CAMSAP1: variants seen among roughly 807,000 people sequenced by gnomAD.
CAMSAP1 encodes the protein calmodulin-regulated spectrin-associated protein 1.
Under a neutral mutation model 143.5 loss-of-function variants are expected in CAMSAP1, and 58 were observed. The ratio of observed to expected loss-of-function variants is 0.40; its 90% CI spans 0.33 to 0.50. CAMSAP1 has a LOEUF of 0.50. Among genes scored for constraint, CAMSAP1 ranks in the 20% least tolerant of loss-of-function variants. The pLI, the probability that CAMSAP1 is intolerant of heterozygous loss-of-function variation, is 0.45. For missense variants in CAMSAP1, 1,969 were observed against 2,115.7 expected, an observed-to-expected ratio of 0.93 and a Z score of 1.36; for synonymous variants, 945 against 859.3, an observed-to-expected ratio of 1.10 and a Z score of -1.74.
At chr9:135,817,171 T>G (rs960309233) in intron 14 of CAMSAP1, among the ~76,000 whole-genome samples, 7 of 152,168 alleles carry the variant, frequency 4.6e-5, no homozygotes, top group Admixed American at 3.9e-4. Context: ...TTCAAGGCCA[T>G]TCATCGCCCC....
At position 135,818,408 on chromosome 9, in the gene CAMSAP1, G is replaced by C. The variant is rs138576906; in HGVS notation, c.4168C>G (p.Pro1390Ala). The C allele has an allele frequency of 7.6e-6, 12 of 1,575,356 alleles. No homozygotes were observed. In the African/African-American group the frequency reaches 1.3e-4, roughly 18 times the overall value. The part of the protein sequence containing the change: ...SDSGTKCSST[P>A]DNLSRTQSGS... The stretch of plus-strand genomic sequence containing the variant: ...CCGCGTGAGGGCCGGGGCTGCTTAC[G>C]GGTGGAGGAGCACTTGGTGCCGGAG... Residue 1390 changes from proline to alanine, a missense_variant and splice_region_variant, in exon 13 of 17, where the codon CCT becomes GCT. Pro to Ala is a conservative substitution (Grantham distance 27, BLOSUM62 -1). This residue lies in a region of CAMSAP1 where 1,390 missense variants were observed against 1,420.8 expected (regional missense o/e 0.98). Coordinates refer to ENST00000389532, the MANE Select transcript of CAMSAP1 (RefSeq NM_015447.4). The surrounding 1 kb of genome is among the most constrained non-coding windows in gnomAD (Gnocchi z 7.7).
intron 5 of CAMSAP1, 142 bp downstream of exon 5, chr9:135,862,325 T>A: frequency 2.0e-6 from 2 of 990,080 alleles, no homozygotes; most frequent in Non-Finnish European, 2.9e-6. Flanking sequence ...AATTTTTTCA[T>A]CTATAGGCTA....
chr9:135,827,665 A>T (rs940206140), intron 7 of CAMSAP1, 81 bp from the exon 8 acceptor site: 24 of 1,301,132 alleles, frequency 1.8e-5, no homozygotes, highest in Non-Finnish European at 1.2e-5. Context: ...TTTTATAAGC[A>T]CTAACTCAAC....
intron 7 of CAMSAP1, among the ~76,000 whole-genome samples, chr9:135,841,740 C>A (rs752173334): frequency 6.6e-6 from 1 of 152,232 alleles, no homozygotes; most frequent in Non-Finnish European, 1.5e-5. Context: ...CAAACTCCAG[C>A]AGACCTGCAG....
chr9:135,839,276 C>T (rs146953523), intron 7 of CAMSAP1, among the ~76,000 whole-genome samples: 1 of 152,326 alleles, frequency 6.6e-6, no homozygotes, highest in Non-Finnish European at 1.5e-5. Flanking sequence ...CTGTGCCTGC[C>T]ACATGCATAT....
At chr9:135,854,952 T>C (rs1836901498) in intron 5 of CAMSAP1, among the ~76,000 whole-genome samples, 1 of 152,088 alleles carries the variant, frequency 6.6e-6, no homozygotes, top group Non-Finnish European at 1.5e-5. Flanking sequence ...CCCCAGTGTC[T>C]GTGTTTCCTT....
rs1177401977 is a variant in CAMSAP1, at chr9:135,809,975, A to T, written c.*1334T>A. On this transcript the variant is annotated 3_prime_UTR_variant, in exon 17 of 17. Transcript: ENST00000389532. The stretch of plus-strand genomic sequence containing the variant: ...TTGTCTCTTTTTCTCCCAATTATTG[A>T]TCTTTTGATTTTTTCTGCAGTTTGA... 2 of 152,564 alleles carry T rather than the reference A, an allele frequency of 1.3e-5. No homozygotes were observed. Among genetic ancestry groups the T allele is most frequent in the Non-Finnish European group, 2.9e-5 (2 of 68,036 alleles). 9.5% of individuals were successfully genotyped at this position (152,564 alleles called of 1,614,324 possible).
chr9:135,811,965 C>T lies in CAMSAP1; in HGVS notation c.4507-354G>A, dbSNP rs768446542. 9.9e-5 allele frequency among the ~76,000 whole-genome samples: 15 copies of T among 152,176 alleles called. No individual in the cohort carries two copies. Among genetic ancestry groups the T allele is most frequent in the Admixed American group, 2.0e-4 (3 of 15,274 alleles). On this transcript the variant is annotated intron_variant, in intron 16 of 16. Transcript: ENST00000389532. The surrounding 1 kb of genome is among the most constrained non-coding windows in gnomAD (Gnocchi z 4.9). ...CTGGAACCCAGAAGCAGGGCGGTAA[C>T]GAGTGCTGGCGAGCCATGGGGCTCT...
intron 3 of CAMSAP1, among the ~76,000 whole-genome samples, chr9:135,868,672 C>CG (rs1837469385): frequency 8.0e-6 from 1 of 125,664 alleles, no homozygotes; most frequent in Admixed American, 1.0e-4. Flanking sequence ...GGCTGAAGTG[C>CG]GGTGGCATGA....
intron 3 of CAMSAP1, among the ~76,000 whole-genome samples, chr9:135,870,045 T>G (rs1052446921): frequency 6.6e-6 from 1 of 152,200 alleles, no homozygotes; most frequent in Non-Finnish European, 1.5e-5. Flanking sequence ...TGGCTGCTAA[T>G]AGGTTCAGAG....
chr9:135,838,006 GAC>G (rs1444408568), intron 7 of CAMSAP1, among the ~76,000 whole-genome samples: 1 of 141,642 alleles, frequency 7.1e-6, no homozygotes, highest in African/African-American at 2.7e-5. Flanking sequence ...CCCTTCTACA[GAC>G]ACACGTCATC....
At chr9:135,833,351 G>C (rs994347087) in intron 7 of CAMSAP1, among the ~76,000 whole-genome samples, 2 of 152,146 alleles carry the variant, frequency 1.3e-5, no homozygotes, top group African/African-American at 4.8e-5. Flanking sequence ...AAAGTGCTGG[G>C]ATTACAGGCG....
At position 135,821,186 on chromosome 9, in the gene CAMSAP1, C is replaced by T. The variant is rs1326937194; in HGVS notation, c.3475G>A (p.Asp1159Asn). 25 of 1,610,122 alleles carry T rather than the reference C, an allele frequency of 1.6e-5. No individual in the cohort carries two copies. The highest frequency in any genetic ancestry group is 2.2e-5 in the East Asian group (1 of 44,888). The change falls in exon 11 of 17, where the codon GAC becomes AAC. Residue 1159 changes from aspartate (D) to asparagine (N), a missense_variant. Asp to Asn is a conservative substitution (Grantham distance 23). This residue lies in a region of CAMSAP1 where 1,390 missense variants were observed against 1,420.8 expected (regional missense o/e 0.98). Transcript: ENST00000389532. This position sits in a 1 kb window ranked among gnomAD's most constrained non-coding sequence, Gnocchi z 4.6. ...GLDSALEPSG[D>N]PHGKCLFDSY... The stretch of plus-strand genomic sequence containing the variant: ...TCGAAGAGACACTTCCCATGTGGGT[C>T]ACCACTGGGCTCCAGGGCACTGTCC...
Position 135,836,049 on chromosome 9 carries a change from T to C in CAMSAP1, c.1046-8465A>G, listed in dbSNP as rs139289525. ...TATCCAACAGACTCAAAAAACAGCTTTTTCAGAGCTTCTCTTATCCGACCA... is the reference window on the plus strand; with the variant it reads ...TATCCAACAGACTCAAAAAACAGCTCTTTCAGAGCTTCTCTTATCCGACCA... On this transcript the variant is annotated intron_variant, in intron 7 of 16. Coordinates refer to ENST00000389532, the MANE Select transcript of CAMSAP1 (RefSeq NM_015447.4). The C allele has an allele frequency of 5.3e-3, 4,969 of 940,138 alleles. 18 individuals carry two copies. Among genetic ancestry groups the C allele is most frequent in the Non-Finnish European group, 6.1e-3 (4,792 of 788,648 alleles). 58.2% of individuals were successfully genotyped at this position (940,138 alleles called of 1,614,324 possible). A position where few individuals can be genotyped will look rare whatever the true frequency, so the allele number is the denominator to read the frequency against.
chr9:135,837,913 G>T (rs370557610), intron 7 of CAMSAP1, among the ~76,000 whole-genome samples: 3 of 136,082 alleles, frequency 2.2e-5, no homozygotes, highest in Non-Finnish European at 3.1e-5. Flanking sequence ...ACGTTATCAC[G>T]CACTTTCCAC....
intron 4 of CAMSAP1, chr9:135,865,199 A>T: frequency 1.2e-6 from 1 of 847,578 alleles, no homozygotes; most frequent in South Asian, 1.6e-5. Flanking sequence ...TACTATATAA[A>T]TAACTCCAAG....
Position 135,810,489 on chromosome 9 carries a change from T to C in CAMSAP1, c.*820A>G, listed in dbSNP as rs1415641897. 1 of 152,660 alleles carries C rather than the reference T, an allele frequency of 6.6e-6. No individual in the cohort carries two copies. Among genetic ancestry groups the C allele is most frequent in the Non-Finnish European group, 1.5e-5 (1 of 68,044 alleles). 9.5% of individuals were successfully genotyped at this position (152,660 alleles called of 1,614,324 possible). On this transcript the variant is annotated 3_prime_UTR_variant, in exon 17 of 17. Transcript: ENST00000389532. ...CATTAGAGCACTACCCAAAACTTAA[T>C]GAATGATGGCTGCAGTTGGCTCGGC...
chr9:135,904,905 C>T (rs1173528212), intron 1 of CAMSAP1, among the ~76,000 whole-genome samples: 1 of 150,796 alleles, frequency 6.6e-6, no homozygotes, highest in Non-Finnish European at 1.5e-5. Context: ...GTGGCGGTTG[C>T]GGTGAGCTGA....
rs1332945191 is a variant in CAMSAP1 at position 135,821,179 on chromosome 9, T to C, written c.3482A>G (p.His1161Arg). The change falls in exon 11 of 17, where the codon CAT (histidine) becomes CGT (arginine). Residue 1161 changes from histidine to arginine, a missense_variant. His to Arg is a conservative substitution (Grantham distance 29). Coordinates refer to ENST00000389532, the MANE Select transcript of CAMSAP1 (RefSeq NM_015447.4). This position sits in a 1 kb window ranked among gnomAD's most constrained non-coding sequence, Gnocchi z 4.6. ...DSALEPSGDP[H>R]GKCLFDSYRL... ...GTAACTGTCGAAGAGACACTTCCCA[T>C]GTGGGTCACCACTGGGCTCCAGGGC... 1.9e-6 allele frequency: 3 copies of C among 1,610,650 alleles called. No homozygotes were observed. In the South Asian group the frequency reaches 3.3e-5, roughly 18 times the overall value.
Sources: allele counts gnomAD v4.1 joint callset (sites outside exome capture counted in the v4.1 genomes callset), GRCh38; gene constraint gnomAD v4.1.1; regional missense constraint gnomAD v4.1.1; non-coding constraint Gnocchi (gnomAD v3.1); transcripts MANE v1.5; gene names NCBI Gene and HGNC (gene_info 2026-07-23, HGNC 2026-07-21).